The following PDGFRL variants were observed in gnomAD, a reference collection of about 807,000 sequenced individuals.
The protein encoded by PDGFRL is platelet-derived growth factor receptor-like protein.
In PDGFRL, 46 loss-of-function variants were observed where a neutral mutation model predicts 37.2. The observed-to-expected ratio is 1.24, with a 90% CI of 0.98 to 1.58. PDGFRL has a LOEUF of 1.58. Ranked by LOEUF, PDGFRL falls within the 40% of genes most tolerant of loss-of-function variation. The pLI, the probability that PDGFRL is intolerant of heterozygous loss-of-function variation, is 0.00. For synonymous variants in PDGFRL, 251 were observed against 184.3 expected, an observed-to-expected ratio of 1.36 and a Z score of -2.93; for missense variants, 692 against 467.6, an observed-to-expected ratio of 1.48 and a Z score of -4.43.
chr8:17,606,060 TAAAAG>T (rs915930053), intron 2 of PDGFRL, among the ~76,000 whole-genome samples: 2 of 152,320 alleles, frequency 1.3e-5, no homozygotes, highest in Admixed American at 1.3e-4. Context: ...GAAGACATTT[TAAAAG>T]AAAAGGAGAA....
At chr8:17,631,927 T>C (rs1804869314) in intron 4 of PDGFRL, among the ~76,000 whole-genome samples, 1 of 152,328 alleles carries the variant, frequency 6.6e-6, no homozygotes, top group South Asian at 2.1e-4. Flanking sequence ...ATCTGTACAC[T>C]GGTAACTCCC....
chr8:17,579,098 TGAGGCAGAGAACTGCTTGAACCTGG>T lies in PDGFRL; in HGVS notation c.55+1801_55+1825del, dbSNP rs536622206. ...GTGTAATCCCAGCTACTTGGGAGGGTGAGGCAGAGAACTGCTTGAACCTGGGAGGCAGAGGTTGCAGTGAGCCGAG... is the reference window on the plus strand; with the variant it reads ...GTGTAATCCCAGCTACTTGGGAGGGTGAGGCAGAGGTTGCAGTGAGCCGAG... On this transcript the variant is annotated intron_variant, in intron 1 of 5. Coordinates refer to ENST00000251630, the MANE Select transcript of PDGFRL (RefSeq NM_001372073.1). Among the ~76,000 whole-genome samples, 68 of 151,988 alleles carry T rather than the reference TGAGGCAGAGAACTGCTTGAACCTGG, an allele frequency of 4.5e-4. 1 individual carries two copies. The East Asian group carries it at 0.012, about 28-fold the overall frequency.
intron 3 of PDGFRL, among the ~76,000 whole-genome samples, chr8:17,628,087 G>A (rs1251076611): frequency 7.0e-6 from 1 of 142,956 alleles, no homozygotes; most frequent in Non-Finnish European, 1.5e-5. Context: ...TCCGCCTCCC[G>A]GGTTCACGCC....
intron 1 of PDGFRL, among the ~76,000 whole-genome samples, chr8:17,578,879 A>G (rs1803644133): frequency 6.6e-6 from 1 of 152,134 alleles, no homozygotes; most frequent in South Asian, 2.1e-4. Context: ...TTTAGGTGAT[A>G]ATAGCACGAA....
intron 2 of PDGFRL, among the ~76,000 whole-genome samples, chr8:17,619,130 T>C (rs1804584474): frequency 6.6e-6 from 1 of 152,210 alleles, no homozygotes; most frequent in South Asian, 2.1e-4. Context: ...TGCTGCAAGA[T>C]AAACTGCAGA....
intron 2 of PDGFRL, among the ~76,000 whole-genome samples, chr8:17,593,902 A>AT (rs1563509320): frequency 1.3e-5 from 2 of 149,060 alleles, no homozygotes; most frequent in Non-Finnish European, 3.0e-5. Context: ...AAAAAAAAAG[A>AT]AAAAAAAAGA....
At chr8:17,607,207 C>G (rs966613229) in intron 2 of PDGFRL, among the ~76,000 whole-genome samples, 1 of 152,078 alleles carries the variant, frequency 6.6e-6, no homozygotes, top group African/African-American at 2.4e-5. Context: ...CCTACAAACT[C>G]TTTGTGTCCA....
intron 2 of PDGFRL, among the ~76,000 whole-genome samples, chr8:17,610,631 C>G (rs1043378783): frequency 2.6e-4 from 39 of 152,248 alleles, no homozygotes; most frequent in African/African-American, 8.9e-4. Context: ...ATGAGAAGGG[C>G]CAGGCGCGGT....
At chr8:17,629,236 T>G (rs546707573) in intron 4 of PDGFRL, among the ~76,000 whole-genome samples, 4 of 152,080 alleles carry the variant, frequency 2.6e-5, no homozygotes, top group African/African-American at 7.2e-5. Context: ...GGCCCACTTA[T>G]GCCGTTCTTA....
At chr8:17,596,219 G>C in intron 2 of PDGFRL, 1 of 522,224 alleles carries the variant, frequency 1.9e-6, no homozygotes, top group Non-Finnish European at 2.9e-6. Context: ...TGAGCCCCGT[G>C]TGACTCTGAC....
At chr8:17,599,776 T>C (rs1478787252) in intron 2 of PDGFRL, among the ~76,000 whole-genome samples, 3 of 152,180 alleles carry the variant, frequency 2.0e-5, no homozygotes, top group Non-Finnish European at 4.4e-5. Context: ...AAATTGGAGC[T>C]CTAATCACCT....
At chr8:17,609,536 G>T (rs749240574) in intron 2 of PDGFRL, among the ~76,000 whole-genome samples, 1 of 144,202 alleles carries the variant, frequency 6.9e-6, no homozygotes, top group Non-Finnish European at 1.5e-5. Context: ...TACTCAGGAG[G>T]CTAAAGCAGG....
At chr8:17,626,689 T>A (rs1804740957) in intron 3 of PDGFRL, among the ~76,000 whole-genome samples, 1 of 152,006 alleles carries the variant, frequency 6.6e-6, no homozygotes, top group Non-Finnish European at 1.5e-5. Context: ...ACTGTAATAT[T>A]CCCTCACAGA....
intron 5 of PDGFRL, among the ~76,000 whole-genome samples, chr8:17,635,488 C>T (rs1804954092): frequency 6.6e-6 from 1 of 152,168 alleles, no homozygotes; most frequent in African/African-American, 2.4e-5. Flanking sequence ...GAGTAGTATT[C>T]CATGGTATAT....
chr8:17,577,028 G>A (rs1221312631), upstream of PDGFRL: 3 of 610,168 alleles, frequency 4.9e-6, no homozygotes, highest in East Asian at 8.8e-5. Flanking sequence ...GGGAAGAAGT[G>A]CTGCGCACCG....
intron 2 of PDGFRL, among the ~76,000 whole-genome samples, chr8:17,615,305 G>C (rs1237024651): frequency 8.4e-6 from 1 of 119,734 alleles, no homozygotes; most frequent in East Asian, 2.7e-4. Context: ...ATTTTTGTTT[G>C]TGATTTGGGA....
chr8:17,596,128 G>A (rs997824593), intron 2 of PDGFRL, among the ~76,000 whole-genome samples: 1 of 152,224 alleles, frequency 6.6e-6, no homozygotes, highest in African/African-American at 2.4e-5. Flanking sequence ...GGGTACCCTT[G>A]CTGGGGGACC....
At chr8:17,607,377 A>G (rs1209397601) in intron 2 of PDGFRL, among the ~76,000 whole-genome samples, 1 of 152,140 alleles carries the variant, frequency 6.6e-6, no homozygotes, top group Non-Finnish European at 1.5e-5. Flanking sequence ...CTTAAAAATA[A>G]TGTTTCTACC....
At chr8:17,605,395 A>G (rs1804252769) in intron 2 of PDGFRL, among the ~76,000 whole-genome samples, 1 of 152,056 alleles carries the variant, frequency 6.6e-6, no homozygotes, top group South Asian at 2.1e-4. Flanking sequence ...TTTGTTGATA[A>G]TATTAAAAAC....
Sources: allele counts gnomAD v4.1 joint callset (sites outside exome capture counted in the v4.1 genomes callset), GRCh38; gene constraint gnomAD v4.1.1; transcripts MANE v1.5; gene names NCBI Gene and HGNC (gene_info 2026-07-23, HGNC 2026-07-21).